The following AFF4 variants were observed in gnomAD, a reference collection of about 807,000 sequenced individuals.
The protein encoded by AFF4 is AF4/FMR2 family member 4.
In AFF4, 13 loss-of-function variants were observed where a neutral mutation model predicts 124.8. The ratio of observed to expected loss-of-function variants is 0.10; its 90% CI spans 0.07 to 0.17. AFF4 has a LOEUF of 0.17. AFF4 is among the 10% of genes least tolerant of loss of function. The pLI is 1.00. For missense variants in AFF4, 1,092 were observed against 1,403.8 expected (o/e 0.78, Z 3.55); for synonymous variants, 477 against 496.1 (o/e 0.96, Z 0.51).
At chr5:132,927,998 T>A (rs1231919799) in intron 4 of AFF4, among the ~76,000 whole-genome samples, 1 of 152,132 alleles carries the variant, frequency 6.6e-6, no homozygotes, top group Admixed American at 6.5e-5. Flanking sequence ...GAGAGTATAT[T>A]ATTTCTGGCA....
chr5:132,892,092 A>C, intron 13 of AFF4, 72 bp downstream of exon 13: 3 of 1,607,322 alleles, frequency 1.9e-6, no homozygotes, highest in Non-Finnish European at 8.5e-7. Context: ...ATTTCAAAGC[A>C]CAGTGTCACC....
chr5:132,895,598 A>C (rs1760368592), intron 11 of AFF4, among the ~76,000 whole-genome samples: 1 of 152,252 alleles, frequency 6.6e-6, no homozygotes, highest in Admixed American at 6.5e-5. Flanking sequence ...AGACTACTTA[A>C]AACTTTACAT....
intron 1 of AFF4, among the ~76,000 whole-genome samples, chr5:132,954,831 G>A (rs965311377): frequency 2.6e-5 from 4 of 152,274 alleles, no homozygotes; most frequent in African/African-American, 7.2e-5. Flanking sequence ...ACAGGCGTGA[G>A]CCACCGCGCC....
rs539595654 is a variant in AFF4 at position 132,939,665 on chromosome 5, C to T, written c.-4-2472G>A. Among the ~76,000 whole-genome samples, 9 of 152,322 alleles carry T rather than the reference C, an allele frequency of 5.9e-5. 1 individual carries two copies. The highest frequency in any genetic ancestry group is 3.9e-4 in the East Asian group (2 of 5,170). On this transcript the variant is annotated intron_variant, in intron 1 of 20. Coordinates refer to ENST00000265343, the MANE Select transcript of AFF4 (RefSeq NM_014423.4). ...CGCTCTTGTCCCCCAGGTTGAAGTG[C>T]GATGGCACGATCTCGGCTCACTGCA...
intron 16 of AFF4, 82 bp downstream of exon 16, chr5:132,887,764 A>G: frequency 6.4e-7 from 1 of 1,553,588 alleles, no homozygotes. Flanking sequence ...CACCCTCTTC[A>G]GTTTACTATA....
chr5:132,879,928 G>T lies in AFF4; in HGVS notation c.*1131C>A, dbSNP rs980300272. The T allele has an allele frequency of 9.6e-6, 3 of 312,056 alleles. No individual in the cohort carries two copies. The highest frequency in any genetic ancestry group is 1.2e-5 in the Non-Finnish European group (2 of 171,086). The allele number at this position is 312,056 out of a possible 1,614,324, so 19.3% of individuals were successfully genotyped here. On this transcript the variant is annotated 3_prime_UTR_variant, in exon 21 of 21. Transcript: ENST00000265343. ...AAACAGAAGATAGGTTTAAAAAGGA[G>T]AAATTCATCATCTCTACATCAGGCA...
At chr5:132,962,334 G>C (rs1018082738) in intron 1 of AFF4, among the ~76,000 whole-genome samples, 12 of 152,130 alleles carry the variant, frequency 7.9e-5, no homozygotes, top group Non-Finnish European at 2.9e-5. Context: ...CTGGTCAATG[G>C]AAAAGTGACT....
intron 5 of AFF4, among the ~76,000 whole-genome samples, chr5:132,920,480 C>T (rs1259883706): frequency 6.6e-6 from 1 of 151,860 alleles, no homozygotes; most frequent in Non-Finnish European, 1.5e-5. Context: ...CTCATCCTCC[C>T]AAGTAGCTGG....
intron 1 of AFF4, among the ~76,000 whole-genome samples, chr5:132,959,403 A>G: frequency 6.6e-6 from 1 of 152,138 alleles, no homozygotes; most frequent in Admixed American, 6.6e-5. Context: ...TACAGGCATG[A>G]GCCACCGGGC....
intron 5 of AFF4, among the ~76,000 whole-genome samples, chr5:132,909,302 G>A (rs1181118555): frequency 2.6e-5 from 4 of 151,502 alleles, no homozygotes; most frequent in South Asian, 2.1e-4. Flanking sequence ...ATGCCACCAC[G>A]CCCAGCTAAT....
Position 132,877,779 on chromosome 5 carries a change from C to G in AFF4, c.*3280G>C, listed in dbSNP as rs1759875738. ...TGAAGAAATGTACCAACGTTTCTGT[C>G]ATTAAATACAAAATTATGCTGTCTG... is the stretch of plus-strand genomic sequence containing the variant. On this transcript the variant is annotated 3_prime_UTR_variant, in exon 21 of 21. Coordinates refer to ENST00000265343, the MANE Select transcript of AFF4 (RefSeq NM_014423.4). 4.7e-6 allele frequency: 1 copy of G among 212,508 alleles called. No individual in the cohort carries two copies. Among genetic ancestry groups the G allele is most frequent in the South Asian group, 1.9e-4 (1 of 5,382 alleles). The allele number at this position is 212,508 out of a possible 1,614,324, so 13.2% of individuals were successfully genotyped here.
In AFF4 at chr5:132,880,447, A is replaced by AT. The variant is rs1213037939; in HGVS notation, c.*611dup. The AT allele has an allele frequency of 1.8e-4, 73 of 397,926 alleles. No individual in the cohort carries two copies. Among genetic ancestry groups the AT allele is most frequent in the African/African-American group, 3.3e-4 (16 of 48,606 alleles). 24.6% of individuals were successfully genotyped at this position (397,926 alleles called of 1,614,324 possible). A position where few individuals can be genotyped will look rare whatever the true frequency, so the allele number is the denominator to read the frequency against. On this transcript the variant is annotated 3_prime_UTR_variant, in exon 21 of 21. Coordinates refer to ENST00000265343, the MANE Select transcript of AFF4 (RefSeq NM_014423.4). Reference sequence around the variant, plus strand: ...AATGCCATTTTCTCATATTTAAGTGATTTTTTCATGTGTAGAAGAATATCC... The same window carrying AT: ...AATGCCATTTTCTCATATTTAAGTGATTTTTTTCATGTGTAGAAGAATATCC...
chr5:132,882,899 T>C (rs1356387210), intron 20 of AFF4, among the ~76,000 whole-genome samples: 2 of 151,774 alleles, frequency 1.3e-5, no homozygotes, highest in Non-Finnish European at 2.9e-5. Flanking sequence ...TAGTCTCCTT[T>C]ATTTCACAGG....
intron 5 of AFF4, among the ~76,000 whole-genome samples, chr5:132,909,025 T>C (rs1156729621): frequency 2.2e-4 from 33 of 151,496 alleles, no homozygotes; most frequent in Admixed American, 2.1e-3. Context: ...CACCTTGGCC[T>C]CTCAAAGTGC....
chr5:132,917,210 C>T lies in AFF4; in HGVS notation c.1050+9911G>A, dbSNP rs556034371. ...CTGGGATTACAGGTGTGAGCCACCA[C>T]GCCCAGCCAAATTTAACCAATGTTA... On this transcript the variant is annotated intron_variant, in intron 5 of 20. Coordinates refer to ENST00000265343, the MANE Select transcript of AFF4 (RefSeq NM_014423.4). 4.6e-5 allele frequency among the ~76,000 whole-genome samples: 7 copies of T among 152,146 alleles called. No homozygotes were observed. The East Asian group carries it at 9.6e-4, about 21-fold the overall frequency.
chr5:132,949,747 G>A lies in AFF4; in HGVS notation c.-4-12554C>T, dbSNP rs532259546. Among the ~76,000 whole-genome samples, 12 of 150,774 alleles carry A rather than the reference G, an allele frequency of 8.0e-5. No individual in the cohort carries two copies. In the South Asian group the frequency reaches 1.9e-3, roughly 24 times the overall value. On this transcript the variant is annotated intron_variant, in intron 1 of 20. Coordinates refer to ENST00000265343, the MANE Select transcript of AFF4 (RefSeq NM_014423.4). ...CGTGAGGGTGAGTGCCCGCAGTCCC[G>A]GCTACTCGGGAGGCTGAGGCGAGAG...
chr5:132,913,083 GC>G (rs1760831344), intron 5 of AFF4, among the ~76,000 whole-genome samples: 1 of 152,040 alleles, frequency 6.6e-6, no homozygotes, highest in African/African-American at 2.4e-5. Flanking sequence ...CAGGTTAAAA[GC>G]AAAAGGTTGG....
intron 19 of AFF4, among the ~76,000 whole-genome samples, 192 bp from the exon 20 acceptor site, chr5:132,883,752 A>C (rs1219599211): frequency 3.3e-5 from 5 of 152,238 alleles, no homozygotes; most frequent in African/African-American, 9.6e-5. Flanking sequence ...TTATCTTAGA[A>C]TCTGTAGCCT....
At position 132,879,490 on chromosome 5, in the gene AFF4, A is replaced by C. The variant is rs569253060; in HGVS notation, c.*1569T>G. The C allele has an allele frequency of 1.5e-5, 3 of 202,296 alleles. No homozygotes were observed. Among genetic ancestry groups the C allele is most frequent in the African/African-American group, 6.9e-5 (3 of 43,564 alleles). The allele number at this position is 202,296 out of a possible 1,614,324, so 12.5% of individuals were successfully genotyped here. ...AAGCAATAGCTTTTCTGAAAGAACT[A>C]ATCTTTATATGACCCTAAAGAAAGA... On this transcript the variant is annotated 3_prime_UTR_variant, in exon 21 of 21. Coordinates refer to ENST00000265343, the MANE Select transcript of AFF4 (RefSeq NM_014423.4).
Sources: allele counts gnomAD v4.1 joint callset (sites outside exome capture counted in the v4.1 genomes callset), GRCh38; gene constraint gnomAD v4.1.1; transcripts MANE v1.5; gene names NCBI Gene and HGNC (gene_info 2026-07-23, HGNC 2026-07-21).